Variants in ABR observed in about 807,000 individuals in gnomAD.
The protein encoded by ABR is active breakpoint cluster region-related protein.
Under a neutral mutation model 107.2 loss-of-function variants are expected in ABR, and 35 were observed. That is an observed-to-expected ratio of 0.33 (90% CI 0.25 to 0.43). The LOEUF (loss-of-function observed/expected upper bound fraction) is 0.43. Ranked by LOEUF, ABR falls within the 20% of genes least tolerant of loss-of-function variation. The probability of loss-of-function intolerance (pLI) is 1.00; values close to 1 mark genes in which losing one functional copy is unlikely to be tolerated. For missense variants in ABR, 815 were observed against 1,115.2 expected, an observed-to-expected ratio of 0.73 and a Z score of 3.83; for synonymous variants, 498 against 462.0, an observed-to-expected ratio of 1.08 and a Z score of -1.00.
upstream of ABR, among the ~76,000 whole-genome samples, chr17:1,180,353 C>A (rs997143374): frequency 1.3e-5 from 2 of 152,154 alleles, no homozygotes; most frequent in East Asian, 1.9e-4. Context: ...GAGCGGCGGC[C>A]GGGCCCCTCC....
chr17:1,139,696 C>T (rs11247578), intron 1 of ABR, among the ~76,000 whole-genome samples: 52,106 of 152,098 alleles, frequency 0.34, 10,376 homozygotes, highest in East Asian at 0.5. Flanking sequence ...TTAAGTTACT[C>T]GCCCAAGATT....
At chr17:1,209,733 G>C (rs11247583) in intron 1 of ABR, among the ~76,000 whole-genome samples, 89,723 of 152,032 alleles carry the variant, frequency 0.59, 27,644 homozygotes, top group Non-Finnish European at 0.7. Flanking sequence ...CTAATACTTG[G>C]TGACGTGGAC....
chr17:1,038,306 T>C (rs1180919695), intron 16 of ABR, among the ~76,000 whole-genome samples: 1 of 151,894 alleles, frequency 6.6e-6, no homozygotes, highest in East Asian at 1.9e-4. Context: ...GACGTGGGGG[T>C]CTGAGAGATT....
chr17:1,161,592 T>C (rs2041297126), intron 1 of ABR, among the ~76,000 whole-genome samples: 1 of 149,294 alleles, frequency 6.7e-6, no homozygotes, highest in Non-Finnish European at 1.5e-5. Context: ...TCTCACTCTG[T>C]AGCCCAGGCT....
Position 1,037,267 on chromosome 17 carries a change from A to T in ABR, c.1791+12783T>A. ...CCCAAGGTAACCTGCTGTCCTCCCA[A>T]CTCCCCAAAGGCCTGTGCCGGCTCA... On this transcript the variant is annotated intron_variant, in intron 16 of 22. Coordinates refer to ENST00000302538, the MANE Select transcript of ABR (RefSeq NM_021962.5). The surrounding 1 kb of genome is among the most constrained non-coding windows in gnomAD (Gnocchi z 4.6). Among the ~76,000 whole-genome samples, 1 of 151,852 alleles carries T rather than the reference A, an allele frequency of 6.6e-6. No homozygotes were observed. Among genetic ancestry groups the T allele is most frequent in the Admixed American group, 6.6e-5 (1 of 15,242 alleles).
chr17:1,218,758 T>G (rs1048155667), intron 1 of ABR, among the ~76,000 whole-genome samples: 1 of 152,170 alleles, frequency 6.6e-6, no homozygotes, highest in Non-Finnish European at 1.5e-5. Flanking sequence ...CTTTATGATT[T>G]GAAATAATGC....
chr17:1,048,881 A>G (rs2032084173), intron 16 of ABR, among the ~76,000 whole-genome samples: 1 of 152,196 alleles, frequency 6.6e-6, no homozygotes, highest in Non-Finnish European at 1.5e-5. Flanking sequence ...CCGAGGCTCA[A>G]CCTCAGTACG....
At chr17:1,048,758 C>T (rs1302263835) in intron 16 of ABR, among the ~76,000 whole-genome samples, 6 of 151,770 alleles carry the variant, frequency 4.0e-5, no homozygotes, top group East Asian at 1.9e-4. Context: ...TCAAGAAGCT[C>T]GGCGCCCAGC....
upstream of ABR, among the ~76,000 whole-genome samples, chr17:1,192,053 G>A (rs2042447977): frequency 6.6e-6 from 1 of 152,184 alleles, no homozygotes; most frequent in Non-Finnish European, 1.5e-5. Context: ...GGCAGTAGCT[G>A]ATAAAGGAAG....
chr17:1,209,043 T>C (rs2042853078), intron 1 of ABR, among the ~76,000 whole-genome samples: 1 of 152,152 alleles, frequency 6.6e-6, no homozygotes, highest in Non-Finnish European at 1.5e-5. Flanking sequence ...AGCAGAATTT[T>C]GAACTCTTTC....
At chr17:1,100,168 C>A (rs11247577) in intron 3 of ABR, among the ~76,000 whole-genome samples, 50,632 of 149,468 alleles carry the variant, frequency 0.34, 8,871 homozygotes, top group Middle Eastern at 0.49. Context: ...CCTCCCACCT[C>A]ATATTTCCTG....
chr17:1,161,882 G>A (rs536276560), intron 1 of ABR, among the ~76,000 whole-genome samples: 3 of 152,268 alleles, frequency 2.0e-5, no homozygotes, highest in East Asian at 3.9e-4. Context: ...CAGCCGGGCC[G>A]AAGGCACCTG....
chr17:1,147,313 C>G (rs552482133), intron 1 of ABR, among the ~76,000 whole-genome samples: 1 of 151,860 alleles, frequency 6.6e-6, no homozygotes, highest in African/African-American at 2.4e-5. Context: ...CAGCAGCTTG[C>G]TTGTGTTAAG....
intron 2 of ABR, among the ~76,000 whole-genome samples, chr17:1,119,666 G>GGA (rs1431390243): frequency 6.6e-6 from 1 of 152,186 alleles, no homozygotes; most frequent in African/African-American, 2.4e-5. Flanking sequence ...AGATGATCAG[G>GGA]GATTAAGGTC....
intron 1 of ABR, among the ~76,000 whole-genome samples, chr17:1,165,951 G>C (rs1343169180): frequency 6.6e-6 from 1 of 151,944 alleles, no homozygotes; most frequent in African/African-American, 2.4e-5. Context: ...CCTCCCCAGA[G>C]CCCACGCAGA....
chr17:1,083,305 T>A, intron 5 of ABR: 1 of 196,570 alleles, frequency 5.1e-6, no homozygotes, highest in Non-Finnish European at 1.0e-5. Flanking sequence ...TGTTCCTCTC[T>A]CTAATCTGAA....
At chr17:1,100,339 C>T (rs1289444591) in intron 3 of ABR, among the ~76,000 whole-genome samples, 1 of 152,182 alleles carries the variant, frequency 6.6e-6, no homozygotes, top group African/African-American at 2.4e-5. Flanking sequence ...GGCAGAGCAC[C>T]ATGATGGGTT....
chr17:1,061,161 C>A (rs1273218538), intron 10 of ABR, among the ~76,000 whole-genome samples: 1 of 152,214 alleles, frequency 6.6e-6, no homozygotes, highest in South Asian at 2.1e-4. Context: ...CCGGCACACC[C>A]CAGGCAGCAC....
At chr17:1,135,377 C>CTTTTT (rs71148437) in intron 1 of ABR, among the ~76,000 whole-genome samples, 2 of 51,382 alleles carry the variant, frequency 3.9e-5, no homozygotes. Context: ...TTCTTTTTGT[C>CTTTTT]TTTTTTTTTT....
Sources: gnomAD v4.1 joint callset for allele counts (sites outside exome capture counted in the v4.1 genomes callset) on GRCh38, gnomAD v4.1.1 for gene constraint, Gnocchi (gnomAD v3.1) non-coding constraint, MANE v1.5 for transcripts, NCBI Gene and HGNC (gene_info 2026-07-23, HGNC 2026-07-21) for gene names.